The following ADARB2 variants were observed in gnomAD, a reference collection of about 807,000 sequenced individuals.
ADARB2 encodes the protein adenosine deaminase RNA specific B2 (inactive).
In ADARB2, 25 loss-of-function variants were observed where a neutral mutation model predicts 62.2. That is an observed-to-expected ratio of 0.40 (90% CI 0.29 to 0.56). The LOEUF is 0.56. Ranked by LOEUF, ADARB2 falls within the 20% of genes least tolerant of loss-of-function variation. ADARB2 has a pLI of 0.43. For synonymous variants in ADARB2, 572 were observed against 500.8 expected (o/e 1.14, Z -1.90); for missense variants, 1,071 against 1,077.4 (o/e 0.99, Z 0.08).
At chr10:1,458,740 GGAAGGC>G (rs1273905821) in intron 1 of ADARB2, among the ~76,000 whole-genome samples, 1 of 152,158 alleles carries the variant, frequency 6.6e-6, no homozygotes, top group Non-Finnish European at 1.5e-5. Context: ...AACCTCATGG[GGAAGGC>G]TTCTGTAAAA....
chr10:1,336,079 A>G (rs969972379), intron 3 of ADARB2, among the ~76,000 whole-genome samples: 1 of 152,242 alleles, frequency 6.6e-6, no homozygotes, highest in Non-Finnish European at 1.5e-5. Flanking sequence ...CCATTTTAAG[A>G]AACTCTAATA....
intron 1 of ADARB2, among the ~76,000 whole-genome samples, chr10:1,417,839 C>A (rs1390929911): frequency 6.6e-6 from 1 of 152,244 alleles, no homozygotes; most frequent in Non-Finnish European, 1.5e-5. Context: ...CAAGTGGCAG[C>A]CATGTGCGTT....
chr10:1,710,959 T>C (rs531463934), intron 1 of ADARB2, among the ~76,000 whole-genome samples: 1 of 152,238 alleles, frequency 6.6e-6, no homozygotes, highest in African/African-American at 2.4e-5. Flanking sequence ...ATCTAATTTT[T>C]GGCCCAACCC....
At chr10:1,211,085 G>GCTCC (rs372826274) in intron 7 of ADARB2, among the ~76,000 whole-genome samples, 73 of 152,000 alleles carry the variant, frequency 4.8e-4, no homozygotes, top group East Asian at 3.5e-3. Flanking sequence ...GCCTCCCATC[G>GCTCC]CTCCCTCCCT....
intron 1 of ADARB2, among the ~76,000 whole-genome samples, chr10:1,581,360 G>T (rs774348334): frequency 1.8e-4 from 27 of 152,248 alleles, no homozygotes; most frequent in Admixed American, 4.6e-4. Flanking sequence ...TGCTGCCTCT[G>T]CTGGTAGAGA....
intron 1 of ADARB2, among the ~76,000 whole-genome samples, chr10:1,412,703 C>T (rs1053852676): frequency 2.0e-5 from 3 of 152,108 alleles, no homozygotes; most frequent in Admixed American, 2.0e-4. Flanking sequence ...CAGGTGCATC[C>T]CTGCTCAGAC....
chr10:1,642,517 A>G (rs75099681), intron 1 of ADARB2, among the ~76,000 whole-genome samples: 1 of 152,248 alleles, frequency 6.6e-6, no homozygotes. Flanking sequence ...CTCAAATAAC[A>G]TATTATAGCC....
chr10:1,202,680 G>T (rs1837002970), intron 7 of ADARB2, among the ~76,000 whole-genome samples: 1 of 152,222 alleles, frequency 6.6e-6, no homozygotes, highest in African/African-American at 2.4e-5. Context: ...CGGGTACTGT[G>T]GTCCCAGTGG....
chr10:1,576,820 G>T (rs1368503818), intron 1 of ADARB2, among the ~76,000 whole-genome samples: 1 of 149,932 alleles, frequency 6.7e-6, no homozygotes, highest in Non-Finnish European at 1.5e-5. Context: ...GATGAGGAGG[G>T]GCGTGTGGAC....
At chr10:1,301,582 A>C (rs954295968) in intron 3 of ADARB2, among the ~76,000 whole-genome samples, 1 of 151,466 alleles carries the variant, frequency 6.6e-6, no homozygotes, top group African/African-American at 2.4e-5. Context: ...CTGTCCCTCC[A>C]TTCCTCCCTC....
chr10:1,431,934 G>A (rs1423887456), intron 1 of ADARB2, among the ~76,000 whole-genome samples: 3 of 152,128 alleles, frequency 2.0e-5, no homozygotes, highest in African/African-American at 4.8e-5. Context: ...TAACCATTAA[G>A]TGAACTCATA....
chr10:1,514,178 A>ATATATATATAT (rs1831976214), intron 1 of ADARB2, among the ~76,000 whole-genome samples: 3 of 94,158 alleles, frequency 3.2e-5, no homozygotes, highest in African/African-American at 6.9e-5. Flanking sequence ...GCTGTCTCAA[A>ATATATATATAT]ATATATATAT....
chr10:1,329,978 C>T lies in ADARB2; in HGVS notation c.1077+33050G>A, dbSNP rs1292500668. 3.2e-4 allele frequency among the ~76,000 whole-genome samples: 42 copies of T among 130,192 alleles called. 1 individual carries two copies. The highest frequency in any genetic ancestry group is 3.1e-5 in the Non-Finnish European group (2 of 63,942). The allele number at this position is 130,192 out of a possible 152,430, so 85.4% of individuals were successfully genotyped here. ...TTCTCTTAAACACATTTAGATAGGACGGGAATGTTTTCCAGGGCTGGATGA... is the reference window on the plus strand; with the variant it reads ...TTCTCTTAAACACATTTAGATAGGATGGGAATGTTTTCCAGGGCTGGATGA... On this transcript the variant is annotated intron_variant, in intron 3 of 9. Coordinates refer to ENST00000381312, the MANE Select transcript of ADARB2 (RefSeq NM_018702.4).
intron 3 of ADARB2, among the ~76,000 whole-genome samples, chr10:1,307,630 C>T (rs1232354830): frequency 9.4e-5 from 13 of 137,810 alleles, no homozygotes; most frequent in Non-Finnish European, 1.8e-4. Context: ...CACCTGCACA[C>T]GTATGTTTAT....
intron 3 of ADARB2, among the ~76,000 whole-genome samples, chr10:1,296,840 CCTTCCTT>C (rs1172418270): frequency 6.6e-6 from 1 of 152,152 alleles, no homozygotes; most frequent in African/African-American, 2.4e-5. Context: ...ATCCCTTTCT[CCTTCCTT>C]ACTGCCAGAA....
intron 1 of ADARB2, among the ~76,000 whole-genome samples, chr10:1,635,997 T>C (rs1833913580): frequency 6.6e-6 from 1 of 152,118 alleles, no homozygotes; most frequent in South Asian, 2.1e-4. Flanking sequence ...AACCCAGCCG[T>C]GACGAAGTCC....
intron 3 of ADARB2, among the ~76,000 whole-genome samples, chr10:1,351,446 A>T (rs541626266): frequency 6.6e-6 from 1 of 151,654 alleles, no homozygotes; most frequent in African/African-American, 2.4e-5. Flanking sequence ...GTGCCAACTT[A>T]GACAATACTC....
intron 1 of ADARB2, among the ~76,000 whole-genome samples, chr10:1,542,819 C>T (rs373151668): frequency 5.8e-4 from 38 of 65,628 alleles, no homozygotes; most frequent in Admixed American, 7.5e-4. Context: ...CCCACTCAGA[C>T]GCAGTTCAGA....
chr10:1,383,070 A>G (rs1211780547), intron 1 of ADARB2, among the ~76,000 whole-genome samples: 4 of 152,218 alleles, frequency 2.6e-5, no homozygotes, highest in Non-Finnish European at 5.9e-5. Flanking sequence ...CACTTGCTTT[A>G]TAAACCTTGT....
Sources: gnomAD v4.1 joint callset for allele counts (sites outside exome capture counted in the v4.1 genomes callset) on GRCh38, gnomAD v4.1.1 for gene constraint, MANE v1.5 for transcripts, NCBI Gene and HGNC (gene_info 2026-07-23, HGNC 2026-07-21) for gene names.